Variants in PTPRD observed in about 807,000 individuals in gnomAD.
PTPRD encodes the protein protein tyrosine phosphatase receptor type D.
In PTPRD, 34 loss-of-function variants were observed where a neutral mutation model predicts 214.5. The ratio of observed to expected loss-of-function variants is 0.16; its 90% CI spans 0.12 to 0.21. PTPRD has a LOEUF of 0.21. Among genes scored for constraint, PTPRD ranks in the 10% least tolerant of loss-of-function variants. The pLI is 1.00. For synonymous variants in PTPRD, 1,128 were observed against 845.7 expected (o/e 1.33, Z -5.79); for missense variants, 2,545 against 2,398.7 (o/e 1.06, Z -1.27).
chr9:8,675,536 CACAA>C (rs1239005623), intron 12 of PTPRD, among the ~76,000 whole-genome samples: 4 of 69,942 alleles, frequency 5.7e-5, no homozygotes, highest in Non-Finnish European at 7.8e-5. Flanking sequence ...CACACACACA[CACAA>C]AAAAAAAAAA....
chr9:10,345,280 A>T (rs10959060), intron 2 of PTPRD, among the ~76,000 whole-genome samples: 1 of 152,026 alleles, frequency 6.6e-6, no homozygotes, highest in African/African-American at 2.4e-5. Flanking sequence ...TTCTTTTTTT[A>T]AATTTTGTTA....
At chr9:9,903,149 C>T (rs1378636758) in intron 5 of PTPRD, among the ~76,000 whole-genome samples, 1 of 151,968 alleles carries the variant, frequency 6.6e-6, no homozygotes, top group Admixed American at 6.6e-5. Context: ...TTTGTTGAAT[C>T]AAATAATTTT....
intron 11 of PTPRD, among the ~76,000 whole-genome samples, chr9:8,735,140 TTTTTTTTTTC>T (rs1167297153): frequency 7.2e-6 from 1 of 138,922 alleles, no homozygotes; most frequent in African/African-American, 2.5e-5. Context: ...TTTTTTTTGT[TTTTTTTTTTC>T]TGTTTTTTTT....
At chr9:9,623,152 G>A (rs758053960) in intron 7 of PTPRD, among the ~76,000 whole-genome samples, 1 of 152,028 alleles carries the variant, frequency 6.6e-6, no homozygotes, top group Non-Finnish European at 1.5e-5. Flanking sequence ...TTACTTTCAC[G>A]TAACTCATTT....
chr9:8,800,482 C>G (rs1393155742), intron 11 of PTPRD, among the ~76,000 whole-genome samples: 1 of 152,166 alleles, frequency 6.6e-6, no homozygotes, highest in African/African-American at 2.4e-5. Flanking sequence ...CCAGCGAAAT[C>G]CCACCAAAAC....
At chr9:10,583,589 T>A (rs1450157952) in intron 2 of PTPRD, among the ~76,000 whole-genome samples, 1 of 151,766 alleles carries the variant, frequency 6.6e-6, no homozygotes, top group African/African-American at 2.4e-5. Context: ...GTAGCTGGGA[T>A]ACAGCAAGCC....
intron 26 of PTPRD, 71 bp from the exon 27 acceptor site, chr9:8,493,050 T>C (rs2136318107): frequency 1.5e-6 from 2 of 1,296,886 alleles, no homozygotes; most frequent in African/African-American, 1.5e-5. Flanking sequence ...AACAAGGCCG[T>C]CTGCCTTCAT....
chr9:8,580,673 A>G (rs2154250848), intron 14 of PTPRD, among the ~76,000 whole-genome samples: 1 of 152,288 alleles, frequency 6.6e-6, no homozygotes, highest in Non-Finnish European at 1.5e-5. Flanking sequence ...AAAATTGTGT[A>G]ATTATTGGAA....
chr9:10,214,429 A>ATTTTTTTTTTTTTTT (rs35115543), intron 3 of PTPRD, among the ~76,000 whole-genome samples: 1 of 120,752 alleles, frequency 8.3e-6, no homozygotes. Flanking sequence ...AAGCCCAACT[A>ATTTTTTTTTTTTTTT]TTTTTTTTTT....
intron 5 of PTPRD, among the ~76,000 whole-genome samples, chr9:9,905,314 T>C (rs2077293862): frequency 1.3e-5 from 2 of 151,978 alleles, no homozygotes; most frequent in South Asian, 4.1e-4. Context: ...GAATTATATT[T>C]CAGGTAGAGT....
chr9:8,491,877 G>C (rs1030233288), intron 27 of PTPRD, among the ~76,000 whole-genome samples: 1 of 152,106 alleles, frequency 6.6e-6, no homozygotes, highest in Non-Finnish European at 1.5e-5. Context: ...TTCCTAAAAA[G>C]ATATTTGAGA....
chr9:9,449,905 C>T (rs756069499), intron 8 of PTPRD, among the ~76,000 whole-genome samples: 1 of 151,868 alleles, frequency 6.6e-6, no homozygotes, highest in Non-Finnish European at 1.5e-5. Context: ...CCTCCCAAGT[C>T]CCCAAAGTCC....
chr9:9,054,091 T>A (rs1192774402), intron 10 of PTPRD, among the ~76,000 whole-genome samples: 1 of 152,188 alleles, frequency 6.6e-6, no homozygotes, highest in Non-Finnish European at 1.5e-5. Context: ...TCCTGGTCCA[T>A]GCACCAAATG....
At chr9:10,162,885 T>C (rs1008346759) in intron 3 of PTPRD, among the ~76,000 whole-genome samples, 1 of 150,480 alleles carries the variant, frequency 6.6e-6, no homozygotes, top group African/African-American at 2.4e-5. Flanking sequence ...TATTCTTTTC[T>C]TCTTTAGCCA....
intron 12 of PTPRD, among the ~76,000 whole-genome samples, chr9:8,645,600 T>A (rs965125278): frequency 1.3e-5 from 2 of 151,886 alleles, no homozygotes; most frequent in Admixed American, 1.3e-4. Flanking sequence ...AATATCTAAT[T>A]TTTCAAAGGG....
At chr9:9,293,137 A>G (rs1000155129) in intron 9 of PTPRD, among the ~76,000 whole-genome samples, 4 of 151,556 alleles carry the variant, frequency 2.6e-5, no homozygotes, top group African/African-American at 7.3e-5. Flanking sequence ...CTTGAGAGTG[A>G]AATAACCACA....
intron 9 of PTPRD, among the ~76,000 whole-genome samples, chr9:9,264,889 G>C (rs1159915423): frequency 9.0e-6 from 1 of 111,464 alleles, no homozygotes; most frequent in Non-Finnish European, 1.9e-5. Flanking sequence ...CGTATTCAAA[G>C]TGATGAAAGA....
chr9:8,974,432 T>C (rs1179372361), intron 11 of PTPRD, among the ~76,000 whole-genome samples: 1 of 152,134 alleles, frequency 6.6e-6, no homozygotes, highest in Non-Finnish European at 1.5e-5. Context: ...AATTCTGGGA[T>C]ACATGTGCAG....
chr9:8,674,701 T>C (rs993983227), intron 12 of PTPRD, among the ~76,000 whole-genome samples: 13 of 152,128 alleles, frequency 8.5e-5, no homozygotes, highest in Non-Finnish European at 1.5e-4. Context: ...TTAAAACATA[T>C]AAAATGTTTG....
Sources: allele counts gnomAD v4.1 joint callset (sites outside exome capture counted in the v4.1 genomes callset), GRCh38; gene constraint gnomAD v4.1.1; transcripts MANE v1.5; gene names NCBI Gene and HGNC (gene_info 2026-07-23, HGNC 2026-07-21).